CBFA2T2: variants seen among roughly 807,000 people sequenced by gnomAD.
CBFA2T2 encodes CBFA2/RUNX1 partner transcriptional co-repressor 2.
Under a neutral mutation model 62.2 loss-of-function variants are expected in CBFA2T2, and 11 were observed. The observed-to-expected ratio is 0.18, with a 90% CI of 0.11 to 0.29. The LOEUF (loss-of-function observed/expected upper bound fraction) is 0.29, where lower values mean the gene tolerates loss of function less well. CBFA2T2 is among the 10% of genes least tolerant of loss of function. The probability of loss-of-function intolerance (pLI) is 1.00; values close to 1 mark genes in which losing one functional copy is unlikely to be tolerated. For missense variants in CBFA2T2, 592 were observed against 774.1 expected, an observed-to-expected ratio of 0.76 and a Z score of 2.79; for synonymous variants, 295 against 287.5, an observed-to-expected ratio of 1.03 and a Z score of -0.27.
intron 1 of CBFA2T2, among the ~76,000 whole-genome samples, chr20:33,509,808 G>A (rs550120099): frequency 6.6e-6 from 1 of 151,654 alleles, no homozygotes; most frequent in East Asian, 1.9e-4. Flanking sequence ...CAGCCTGGGA[G>A]ATAGAGTAAA....
intron 1 of CBFA2T2, among the ~76,000 whole-genome samples, chr20:33,559,449 C>T (rs947370745): frequency 3.3e-5 from 5 of 152,088 alleles, no homozygotes; most frequent in Non-Finnish European, 5.9e-5. Flanking sequence ...GCTGGGATTA[C>T]AGGTGTGATC....
intron 1 of CBFA2T2, among the ~76,000 whole-genome samples, chr20:33,491,150 A>G (rs1185552087): frequency 1.3e-5 from 2 of 152,106 alleles, no homozygotes. Flanking sequence ...GAACAATAAA[A>G]TTTTAATTGT....
intron 2 of CBFA2T2, among the ~76,000 whole-genome samples, chr20:33,609,153 GTGTAT>G (rs1452535111): frequency 4.6e-5 from 7 of 151,906 alleles, no homozygotes; most frequent in African/African-American, 1.7e-4. Flanking sequence ...CATATGTATT[GTGTAT>G]TGTATTATTA....
At chr20:33,514,962 G>T (rs995444695) in intron 1 of CBFA2T2, among the ~76,000 whole-genome samples, 73 of 151,890 alleles carry the variant, frequency 4.8e-4, no homozygotes, top group Non-Finnish European at 1.2e-4. Flanking sequence ...AAAGTGCTGG[G>T]ATTACAGGCG....
At chr20:33,595,936 A>G (rs997586999) in intron 1 of CBFA2T2, among the ~76,000 whole-genome samples, 8 of 152,228 alleles carry the variant, frequency 5.3e-5, no homozygotes, top group Non-Finnish European at 1.2e-4. Context: ...TGACTTGTCC[A>G]GGGTTCCACA....
intron 8 of CBFA2T2, 26 bp downstream of exon 8, chr20:33,629,940 C>A: frequency 1.9e-6 from 3 of 1,569,536 alleles, no homozygotes; most frequent in South Asian, 1.2e-5. Flanking sequence ...ACGGGAAACC[C>A]AAAATAAATG....
rs576393615 is a variant in CBFA2T2, at chr20:33,636,762, A to G, written c.1297+54A>G. On this transcript the variant is annotated intron_variant, in intron 9 of 10. Transcript: ENST00000342704. ...CATACTCACTAATTTGTGGGAGCAG[A>G]GAACAGATAACTGGGTGAATGGTTG... 6 of 1,321,408 alleles carry G rather than the reference A, an allele frequency of 4.5e-6. No individual in the cohort carries two copies. The Admixed American group carries it at 5.2e-5, about 11-fold the overall frequency. The allele number at this position is 1,321,408 out of a possible 1,614,324, so 81.9% of individuals were successfully genotyped here. A position where few individuals can be genotyped will look rare whatever the true frequency, so the allele number is the denominator to read the frequency against.
intron 1 of CBFA2T2, among the ~76,000 whole-genome samples, chr20:33,522,544 A>G (rs2011758552): frequency 6.6e-6 from 1 of 152,014 alleles, no homozygotes; most frequent in African/African-American, 2.4e-5. Flanking sequence ...CCTGGTCAAC[A>G]TAGCAAGACC....
chr20:33,523,453 CTTAA>C (rs887706724), intron 1 of CBFA2T2, among the ~76,000 whole-genome samples: 2 of 151,578 alleles, frequency 1.3e-5, no homozygotes, highest in African/African-American at 4.8e-5. Context: ...CAGAGTCTAT[CTTAA>C]TTAAATAATA....
At chr20:33,501,768 T>C (rs1364071014) in intron 1 of CBFA2T2, among the ~76,000 whole-genome samples, 1 of 148,986 alleles carries the variant, frequency 6.7e-6, no homozygotes, top group East Asian at 2.0e-4. Flanking sequence ...GCCTCCTGAG[T>C]ACCTGGGATT....
rs1438284934 is a variant in CBFA2T2 at position 33,611,193 on chromosome 20, T to A, written c.278T>A (p.Leu93His). The change falls in exon 3 of 11, where the codon CTC becomes CAC. Residue 93 changes from leucine (L) to histidine (H), a missense_variant. By Grantham distance (99) the Leu-to-His change is moderately conservative. This residue lies in a region of CBFA2T2 where 449 missense variants were observed against 551.2 expected (regional missense o/e 0.81). Coordinates refer to ENST00000342704, the MANE Select transcript of CBFA2T2 (RefSeq NM_001032999.3). ...CCTGCCTCCTCCACATCATCTGCAC[T>A]CACAAATCAGCAATTGCCAGCCACT... ...NGPASSTSSA[L>H]TNQQLPATCG... 6.2e-7 allele frequency: 1 copy of A among 1,614,156 alleles called. No homozygotes were observed.
At chr20:33,613,650 G>A (rs758792682) in intron 3 of CBFA2T2, among the ~76,000 whole-genome samples, 16 of 152,190 alleles carry the variant, frequency 1.1e-4, no homozygotes, top group African/African-American at 3.4e-4. Context: ...AGGAAAACCC[G>A]TGTTTAGCAT....
chr20:33,629,242 C>T (rs953544630), intron 7 of CBFA2T2, among the ~76,000 whole-genome samples: 10 of 152,188 alleles, frequency 6.6e-5, no homozygotes, highest in Non-Finnish European at 1.5e-4. Context: ...CAGTAACAAA[C>T]TTCTAGGTAA....
chr20:33,526,846 C>G (rs986872565), intron 1 of CBFA2T2, among the ~76,000 whole-genome samples: 2 of 152,146 alleles, frequency 1.3e-5, no homozygotes, highest in Non-Finnish European at 2.9e-5. Flanking sequence ...GGTTGGAAGC[C>G]TCAGAAAGTT....
chr20:33,629,581 G>C, intron 7 of CBFA2T2, 138 bp from the exon 8 acceptor site: 1 of 781,956 alleles, frequency 1.3e-6, no homozygotes, highest in South Asian at 1.9e-5. Flanking sequence ...CAGCAATAAA[G>C]GTTTTAAATG....
Position 33,540,243 on chromosome 20 carries a change from A to G in CBFA2T2, c.34+49942A>G, listed in dbSNP as rs552585917. The stretch of plus-strand genomic sequence containing the variant: ...TATTCAGTATTTCCTTTAGGTTTAC[A>G]TGTATAGTCTTATGTCTTTTAACAA... On this transcript the variant is annotated intron_variant, in intron 1 of 10. Transcript: ENST00000342704. 2.0e-5 allele frequency among the ~76,000 whole-genome samples: 3 copies of G among 152,346 alleles called. No individual in the cohort carries two copies. In the South Asian group the frequency reaches 6.2e-4, roughly 32 times the overall value.
At chr20:33,503,409 C>G (rs2011333429) in intron 1 of CBFA2T2, among the ~76,000 whole-genome samples, 1 of 151,790 alleles carries the variant, frequency 6.6e-6, no homozygotes, top group South Asian at 2.1e-4. Flanking sequence ...CGCCCGCCAT[C>G]AGGCCCAGCT....
intron 1 of CBFA2T2, among the ~76,000 whole-genome samples, chr20:33,579,659 CA>C (rs1451768186): frequency 1.3e-5 from 2 of 151,732 alleles, no homozygotes; most frequent in African/African-American, 4.8e-5. Context: ...TTTCTTTCCC[CA>C]TTGAGTTGAG....
intron 8 of CBFA2T2, among the ~76,000 whole-genome samples, chr20:33,635,520 G>A (rs908838183): frequency 7.2e-5 from 11 of 152,168 alleles, no homozygotes; most frequent in African/African-American, 2.2e-4. Flanking sequence ...TTAAGTAAAT[G>A]AAATTTATAA....
Sources: gnomAD v4.1 joint callset for allele counts (sites outside exome capture counted in the v4.1 genomes callset) on GRCh38, gnomAD v4.1.1 for gene constraint, gnomAD v4.1.1 regional missense constraint, MANE v1.5 for transcripts, NCBI Gene and HGNC (gene_info 2026-07-23, HGNC 2026-07-21) for gene names.